SMARCC1: variants seen among roughly 807,000 people sequenced by gnomAD.
SMARCC1 encodes SWI/SNF related BAF chromatin remodeling complex subunit C1, also known as SWI/SNF complex subunit SMARCC1.
SMARCC1 carries 43 observed loss-of-function variants against 147.4 expected under a neutral mutation model. That is an observed-to-expected ratio of 0.29 (90% confidence interval 0.23 to 0.38). SMARCC1 has a LOEUF of 0.38. SMARCC1 is among the 10% of genes least tolerant of loss of function. SMARCC1 has a pLI of 1.00. For synonymous variants in SMARCC1, 495 were observed against 484.4 expected, an observed-to-expected ratio of 1.02 and a Z score of -0.29; for missense variants, 1,119 against 1,381.1, an observed-to-expected ratio of 0.81 and a Z score of 3.01.
chr3:47,706,235 C>A (rs747880826), intron 10 of SMARCC1, among the ~76,000 whole-genome samples, 174 bp downstream of exon 10: 1 of 152,060 alleles, frequency 6.6e-6, no homozygotes, highest in Non-Finnish European at 1.5e-5. Flanking sequence ...CCGTGCCCAG[C>A]TAATTTTTAT....
chr3:47,630,880 T>G lies in SMARCC1; in HGVS notation c.2646+4310A>C, dbSNP rs891575329. Among the ~76,000 whole-genome samples the G allele has an allele frequency of 1.3e-5, 2 of 152,092 alleles. 1 individual carries two copies. Among genetic ancestry groups the G allele is most frequent in the South Asian group, 4.1e-4 (2 of 4,822 alleles). On this transcript the variant is annotated intron_variant, in intron 24 of 27. Coordinates refer to ENST00000254480, the MANE Select transcript of SMARCC1 (RefSeq NM_003074.4). ...GAGTTTGAGACCAGCCTGGGCAATATAGGGAGACCCCGTCTCTACAAAAAA... is the reference window on the plus strand; with the variant it reads ...GAGTTTGAGACCAGCCTGGGCAATAGAGGGAGACCCCGTCTCTACAAAAAA...
intron 3 of SMARCC1, among the ~76,000 whole-genome samples, chr3:47,739,915 T>A (rs569285400): frequency 6.6e-6 from 1 of 152,262 alleles, no homozygotes; most frequent in Admixed American, 6.6e-5. Flanking sequence ...CCCACTCTAT[T>A]GCCCAGGCTG....
At chr3:47,656,699 GA>G (rs2033266090) in intron 21 of SMARCC1, among the ~76,000 whole-genome samples, 1 of 152,146 alleles carries the variant, frequency 6.6e-6, no homozygotes, top group African/African-American at 2.4e-5. Flanking sequence ...TGGATCACTT[GA>G]GCCAAGGAGT....
intron 26 of SMARCC1, among the ~76,000 whole-genome samples, chr3:47,598,129 C>T (rs1380261847): frequency 2.0e-5 from 3 of 152,078 alleles, no homozygotes; most frequent in African/African-American, 7.2e-5. Context: ...TCTCTTCCTA[C>T]CCCACATCAC....
intron 14 of SMARCC1, among the ~76,000 whole-genome samples, chr3:47,681,964 G>A (rs1276322148): frequency 6.6e-6 from 1 of 152,032 alleles, no homozygotes; most frequent in African/African-American, 2.4e-5. Context: ...AAGATGATCA[G>A]GCAAATGAAA....
intron 26 of SMARCC1, among the ~76,000 whole-genome samples, chr3:47,600,137 C>G (rs1016095060): frequency 6.6e-6 from 1 of 152,198 alleles, no homozygotes; most frequent in East Asian, 1.9e-4. Context: ...TTGTCACAAA[C>G]AAGGTCATAA....
chr3:47,775,576 A>G (rs2034964864), intron 1 of SMARCC1, among the ~76,000 whole-genome samples: 1 of 150,934 alleles, frequency 6.6e-6, no homozygotes, highest in African/African-American at 2.4e-5. Context: ...GATCAAGACC[A>G]ACCTGACTAA....
chr3:47,669,079 T>G (rs932176640), intron 19 of SMARCC1, among the ~76,000 whole-genome samples: 7 of 152,248 alleles, frequency 4.6e-5, no homozygotes, highest in Admixed American at 1.3e-4. Flanking sequence ...TGGTAAACAC[T>G]GATGTGGAGA....
intron 1 of SMARCC1, among the ~76,000 whole-genome samples, chr3:47,779,653 C>T (rs976866740): frequency 5.3e-5 from 8 of 152,170 alleles, no homozygotes; most frequent in Non-Finnish European, 4.4e-5. Flanking sequence ...CACTTCCCTA[C>T]CCACCCAAAC....
chr3:47,680,844 GC>G (rs893438119), intron 14 of SMARCC1, among the ~76,000 whole-genome samples: 3 of 152,082 alleles, frequency 2.0e-5, no homozygotes, highest in African/African-American at 7.2e-5. Context: ...ACCGCGCCCG[GC>G]CGGAGTGTTC....
At chr3:47,661,668 T>A (rs1232884420) in intron 20 of SMARCC1, among the ~76,000 whole-genome samples, 1 of 152,148 alleles carries the variant, frequency 6.6e-6, no homozygotes, top group Non-Finnish European at 1.5e-5. Context: ...CATTTTCTCC[T>A]ACACATCACA....
At chr3:47,712,593 G>A (rs1042255603) in intron 8 of SMARCC1, among the ~76,000 whole-genome samples, 1 of 152,158 alleles carries the variant, frequency 6.6e-6, no homozygotes, top group African/African-American at 2.4e-5. Flanking sequence ...CCTAAGCACA[G>A]TGAAATAATG....
At chr3:47,703,754 A>G (rs1339701206) in intron 10 of SMARCC1, among the ~76,000 whole-genome samples, 1 of 152,170 alleles carries the variant, frequency 6.6e-6, no homozygotes, top group African/African-American at 2.4e-5. Flanking sequence ...GTTGAATAGG[A>G]TACATAAAGG....
intron 11 of SMARCC1, among the ~76,000 whole-genome samples, chr3:47,694,681 A>C (rs1366541137): frequency 6.6e-6 from 1 of 152,246 alleles, no homozygotes; most frequent in Non-Finnish European, 1.5e-5. Context: ...AGCATTTGAT[A>C]GTACTCATTC....
At chr3:47,651,803 A>C (rs1419915474) in intron 21 of SMARCC1, among the ~76,000 whole-genome samples, 6 of 152,216 alleles carry the variant, frequency 3.9e-5, no homozygotes, top group Non-Finnish European at 8.8e-5. Context: ...ATAAATATAA[A>C]ATATAAAGGG....
chr3:47,596,493 G>A (rs2032284218), intron 26 of SMARCC1, among the ~76,000 whole-genome samples: 1 of 151,852 alleles, frequency 6.6e-6, no homozygotes, highest in Non-Finnish European at 1.5e-5. Flanking sequence ...CTTGAACGTG[G>A]GAGGCGGAGG....
Position 47,686,563 on chromosome 3 carries a change from T to C in SMARCC1, c.1264-393A>G, listed in dbSNP as rs180934529. Among the ~76,000 whole-genome samples, 92 of 152,376 alleles carry C rather than the reference T, an allele frequency of 6.0e-4. 1 individual carries two copies. Among genetic ancestry groups the C allele is most frequent in the Non-Finnish European group, 1.1e-3 (76 of 68,038 alleles). ...ACTTAATCTGAAGTAAATGTTTACT[T>C]GATACACATTTTTATTGCATACATT... On this transcript the variant is annotated intron_variant, in intron 13 of 27. Transcript: ENST00000254480.
At chr3:47,622,433 TAA>T in intron 24 of SMARCC1, 92 bp from the exon 25 acceptor site, 1 of 1,182,938 alleles carries the variant, frequency 8.5e-7, no homozygotes, top group Non-Finnish European at 1.2e-6. Context: ...AGAGATTATA[TAA>T]TTTACAATGG....
intron 25 of SMARCC1, 36 bp from the exon 26 acceptor site, chr3:47,610,363 G>C (rs1200478082): frequency 3.7e-6 from 6 of 1,612,502 alleles, no homozygotes; most frequent in Non-Finnish European, 3.4e-6. Context: ...AATGACACCA[G>C]AAGAGGCTTT....
Sources: allele counts gnomAD v4.1 joint callset (sites outside exome capture counted in the v4.1 genomes callset), GRCh38; gene constraint gnomAD v4.1.1; transcripts MANE v1.5; gene names NCBI Gene and HGNC (gene_info 2026-07-23, HGNC 2026-07-21).